RALGPS2: variants seen among roughly 807,000 people sequenced by gnomAD.
RALGPS2 encodes Ral GEF with PH domain and SH3 binding motif 2, also known as ras-specific guanine nucleotide-releasing factor RalGPS2.
RALGPS2 carries 43 observed loss-of-function variants against 86.8 expected under a neutral mutation model. The observed-to-expected ratio is 0.50, with a 90% confidence interval of 0.39 to 0.64. RALGPS2 has a LOEUF of 0.64. Among genes scored for constraint, RALGPS2 ranks in the 30% least tolerant of loss-of-function variants. RALGPS2 has a pLI of 0.00. For missense variants in RALGPS2, 536 were observed against 694.6 expected (o/e 0.77, Z 2.57); for synonymous variants, 243 against 231.3 (o/e 1.05, Z -0.46).
intron 8 of RALGPS2, among the ~76,000 whole-genome samples, chr1:178,860,785 T>C (rs562726686): frequency 6.6e-6 from 1 of 152,312 alleles, no homozygotes; most frequent in South Asian, 2.1e-4. Flanking sequence ...AATGACCATG[T>C]ACCTCCATGT....
chr1:178,839,163 G>A (rs1345288751), intron 8 of RALGPS2, among the ~76,000 whole-genome samples: 5 of 152,074 alleles, frequency 3.3e-5, no homozygotes, highest in Non-Finnish European at 7.4e-5. Context: ...TACAGAGAAT[G>A]CCACAAAGAT....
chr1:178,818,994 T>A (rs1173575897), intron 6 of RALGPS2, among the ~76,000 whole-genome samples: 1 of 149,764 alleles, frequency 6.7e-6, no homozygotes, highest in Non-Finnish European at 1.5e-5. Context: ...CTTTTTCTTT[T>A]TTTTTTTTTT....
rs1053644160 is a variant in RALGPS2, at chr1:178,790,569, G to A, written c.213+4962G>A. ...GCTATTGCAGTTTCAAATATTTTATGTAGATGGTGTTCTGTTGTTTCGGTC... is the reference window on the plus strand; with the variant it reads ...GCTATTGCAGTTTCAAATATTTTATATAGATGGTGTTCTGTTGTTTCGGTC... On this transcript the variant is annotated intron_variant, in intron 4 of 19. Transcript: ENST00000367635. Among the ~76,000 whole-genome samples, 19 of 152,278 alleles carry A rather than the reference G, an allele frequency of 1.2e-4. No homozygotes were observed. The East Asian group carries it at 3.1e-3, about 25-fold the overall frequency.
intron 8 of RALGPS2, among the ~76,000 whole-genome samples, chr1:178,877,088 T>C (rs1233616853): frequency 6.6e-6 from 1 of 152,140 alleles, no homozygotes; most frequent in Non-Finnish European, 1.5e-5. Flanking sequence ...CCTTGGAAAA[T>C]GGATACTTGC....
In RALGPS2 at chr1:178,852,729, A is replaced by G. The variant is rs780502740; in HGVS notation, c.607+19179A>G. 56 of 1,613,712 alleles carry G rather than the reference A, an allele frequency of 3.5e-5. 1 individual carries two copies. In the Middle Eastern group the frequency reaches 2.5e-3, roughly 71 times the overall value. On this transcript the variant is annotated intron_variant, in intron 8 of 19. Transcript: ENST00000367635. ...TGTCCAGTGTGGTGAATTGTTTACC[A>G]TTATGCCACATCATAGAATCCCCTG...
rs778802743 is a variant in RALGPS2 at position 178,889,650 on chromosome 1, G to A, written c.1201G>A (p.Asp401Asn). Residue 401 changes from aspartate to asparagine, a missense_variant, in exon 14 of 20, where the codon GAT becomes AAT. Around this residue, in one of 3 missense-constraint regions of RALGPS2, gnomAD observed 309 missense variants for 363.0 expected, o/e 0.85. Coordinates refer to ENST00000367635, the MANE Select transcript of RALGPS2 (RefSeq NM_152663.5). ...LSSGISIGSSDGSELSEETSW... is the reference protein window; with the variant it reads ...LSSGISIGSSNGSELSEETSW... ...ATAACTTTTCATTTTAGGTAGCAGC[G>A]ATGGTTCTGAACTAAGTGAAGAGAC... is the stretch of plus-strand genomic sequence containing the variant. 1.2e-5 allele frequency: 19 copies of A among 1,605,184 alleles called. No homozygotes were observed. Among genetic ancestry groups the A allele is most frequent in the African/African-American group, 9.4e-5 (7 of 74,512 alleles).
intron 4 of RALGPS2, among the ~76,000 whole-genome samples, chr1:178,804,041 C>T (rs1384352882): frequency 6.6e-6 from 1 of 150,928 alleles, no homozygotes; most frequent in African/African-American, 2.4e-5. Flanking sequence ...TAACTGTTTC[C>T]TCAATCTTCC....
intron 1 of RALGPS2, 30 bp from the exon 2 acceptor site, chr1:178,776,652 C>A: frequency 2.8e-6 from 2 of 703,688 alleles, no homozygotes; most frequent in Non-Finnish European, 4.3e-6. Flanking sequence ...TCGAGGAAGA[C>A]ATTTGCTTAA....
At chr1:178,876,215 A>C (rs150755429) in intron 8 of RALGPS2, among the ~76,000 whole-genome samples, 164 of 152,256 alleles carry the variant, frequency 1.1e-3, no homozygotes, top group African/African-American at 3.6e-3. Flanking sequence ...ATAAGATATA[A>C]ATGTAAAAAA....
chr1:178,748,473 C>T (rs1181064952), intron 1 of RALGPS2, among the ~76,000 whole-genome samples: 1 of 152,166 alleles, frequency 6.6e-6, no homozygotes, highest in Non-Finnish European at 1.5e-5. Context: ...TGTGACTATA[C>T]TATTTAGCAA....
At chr1:178,823,767 T>C (rs775440019) in intron 7 of RALGPS2, among the ~76,000 whole-genome samples, 1 of 152,142 alleles carries the variant, frequency 6.6e-6, no homozygotes, top group African/African-American at 2.4e-5. Flanking sequence ...AGAAGGACCA[T>C]TGTGGGCTGG....
chr1:178,809,127 A>G (rs1219776953), intron 5 of RALGPS2, among the ~76,000 whole-genome samples: 1 of 152,128 alleles, frequency 6.6e-6, no homozygotes, highest in Non-Finnish European at 1.5e-5. Context: ...TGTGATTGTA[A>G]GCATGAGTCA....
chr1:178,916,080 A>G (rs1446089664), intron 19 of RALGPS2, among the ~76,000 whole-genome samples: 1 of 152,150 alleles, frequency 6.6e-6, no homozygotes, highest in Non-Finnish European at 1.5e-5. Flanking sequence ...CAAGAAAGAT[A>G]TTGTCTCTAC....
chr1:178,898,076 A>T (rs1277553366), intron 17 of RALGPS2, among the ~76,000 whole-genome samples: 4 of 152,014 alleles, frequency 2.6e-5, no homozygotes, highest in Non-Finnish European at 5.9e-5. Context: ...CAACATCTAA[A>T]GTTCTTTCCA....
intron 4 of RALGPS2, among the ~76,000 whole-genome samples, chr1:178,789,464 C>T (rs75718854): frequency 0.015 from 2,353 of 152,222 alleles, 56 homozygotes; most frequent in African/African-American, 0.053. Flanking sequence ...TTATTGTTGT[C>T]GTATACAACT....
chr1:178,816,415 A>G (rs1344243658), intron 6 of RALGPS2, among the ~76,000 whole-genome samples: 9 of 152,076 alleles, frequency 5.9e-5, no homozygotes, highest in Non-Finnish European at 8.8e-5. Flanking sequence ...TCTTTTACCC[A>G]TATTTTTAAT....
chr1:178,886,188 G>GA, intron 13 of RALGPS2, 68 bp downstream of exon 13: 2 of 1,512,702 alleles, frequency 1.3e-6, no homozygotes, highest in Non-Finnish European at 1.8e-6. Context: ...AACTTGGCTG[G>GA]AAAAAAACCC....
intron 17 of RALGPS2, among the ~76,000 whole-genome samples, chr1:178,900,984 C>T (rs1273196313): frequency 6.6e-6 from 1 of 151,982 alleles, no homozygotes; most frequent in Admixed American, 6.6e-5. Flanking sequence ...GTATTCATGT[C>T]GAAGTACATT....
At chr1:178,865,190 A>G in intron 8 of RALGPS2, 1 of 1,613,420 alleles carries the variant, frequency 6.2e-7, no homozygotes, top group Non-Finnish European at 8.5e-7. Flanking sequence ...CTGTTCTTCC[A>G]ACAAAGTGAT....
Sources: allele counts gnomAD v4.1 joint callset (sites outside exome capture counted in the v4.1 genomes callset), GRCh38; gene constraint gnomAD v4.1.1; regional missense constraint gnomAD v4.1.1; transcripts MANE v1.5; gene names NCBI Gene and HGNC (gene_info 2026-07-23, HGNC 2026-07-21).